PIGK: variants seen among roughly 807,000 people sequenced by gnomAD.
PIGK encodes the protein phosphatidylinositol glycan anchor biosynthesis class K.
PIGK carries 42 observed loss-of-function variants against 50.6 expected under a neutral mutation model. The observed-to-expected ratio is 0.83, with a 90% CI of 0.65 to 1.07. PIGK has a LOEUF of 1.07. PIGK is among the 50% of genes least tolerant of loss of function. The pLI is 0.00. For synonymous variants in PIGK, 151 were observed against 156.0 expected (o/e 0.97, Z 0.24); for missense variants, 448 against 488.7 (o/e 0.92, Z 0.78).
chr1:77,116,474 C>T (rs1480410730), intron 10 of PIGK, among the ~76,000 whole-genome samples: 9 of 151,938 alleles, frequency 5.9e-5, no homozygotes, highest in African/African-American at 1.2e-4. Context: ...CGTGAGCCAC[C>T]GTGCCTGGCC....
At chr1:77,189,738 TATATATATATACAC>T (rs1208248417) in intron 3 of PIGK, among the ~76,000 whole-genome samples, 42 of 32,022 alleles carry the variant, frequency 1.3e-3, no homozygotes, top group African/African-American at 4.9e-3. Context: ...TATATATATA[TATATATATATACAC>T]ACACACACAC....
chr1:77,209,434 A>G (rs1455845688), intron 2 of PIGK, among the ~76,000 whole-genome samples: 2 of 152,136 alleles, frequency 1.3e-5, no homozygotes, highest in Non-Finnish European at 2.9e-5. Flanking sequence ...AATCAAAACA[A>G]TGCAAATTAA....
At chr1:77,122,663 A>T (rs1388478018) in intron 9 of PIGK, among the ~76,000 whole-genome samples, 1 of 152,150 alleles carries the variant, frequency 6.6e-6, no homozygotes, top group Non-Finnish European at 1.5e-5. Context: ...TGTTTCTTTC[A>T]TAGCACTTAA....
intron 9 of PIGK, among the ~76,000 whole-genome samples, chr1:77,140,691 AAAAAC>A (rs748381131): frequency 6.4e-4 from 98 of 152,316 alleles, no homozygotes; most frequent in South Asian, 1.7e-3. Flanking sequence ...GAAATAGCAG[AAAAAC>A]AAAACAAAAA....
At chr1:77,148,213 C>G (rs1037641894) in intron 9 of PIGK, among the ~76,000 whole-genome samples, 1 of 152,102 alleles carries the variant, frequency 6.6e-6, no homozygotes, top group African/African-American at 2.4e-5. Context: ...GATTGCCATT[C>G]ATATTTGCAT....
chr1:77,200,572 G>A (rs142886727), intron 3 of PIGK, among the ~76,000 whole-genome samples: 1 of 152,134 alleles, frequency 6.6e-6, no homozygotes, highest in African/African-American at 2.4e-5. Flanking sequence ...GGTATTTAAT[G>A]AGTGTGCATA....
chr1:77,189,728 TATATATATATATATATATATACAC>T (rs1392834342), intron 3 of PIGK, among the ~76,000 whole-genome samples: 42 of 45,230 alleles, frequency 9.3e-4, no homozygotes, highest in African/African-American at 3.6e-3. Context: ...TATATATATA[TATATATATATATATATATATACAC>T]ACACACACAC....
chr1:77,217,493 G>A (rs905023449), intron 1 of PIGK, among the ~76,000 whole-genome samples: 3 of 152,114 alleles, frequency 2.0e-5, no homozygotes, highest in African/African-American at 7.2e-5. Context: ...AAAATATGCA[G>A]GGTTTTTGTT....
At chr1:77,167,526 CT>C (rs898000033) in intron 4 of PIGK, among the ~76,000 whole-genome samples, 1 of 151,452 alleles carries the variant, frequency 6.6e-6, no homozygotes, top group Non-Finnish European at 1.5e-5. Context: ...GGAGGATCAC[CT>C]GAGGCCAAGT....
At chr1:77,097,689 A>G (rs1653449673) in intron 10 of PIGK, among the ~76,000 whole-genome samples, 1 of 152,210 alleles carries the variant, frequency 6.6e-6, no homozygotes, top group Admixed American at 6.5e-5. Context: ...ACATGTAGGA[A>G]GGGAAAGTAA....
chr1:77,144,658 C>T (rs1026362932), intron 9 of PIGK, among the ~76,000 whole-genome samples: 1 of 151,712 alleles, frequency 6.6e-6, no homozygotes, highest in Admixed American at 6.6e-5. Flanking sequence ...TCAATAGACG[C>T]TTTTGTTAAT....
At chr1:77,153,308 G>A (rs1040492608) in intron 9 of PIGK, among the ~76,000 whole-genome samples, 1 of 152,078 alleles carries the variant, frequency 6.6e-6, no homozygotes, top group Non-Finnish European at 1.5e-5. Context: ...CAAAACGAGT[G>A]GATGTCAAGG....
intron 10 of PIGK, among the ~76,000 whole-genome samples, chr1:77,111,833 C>T (rs994336732): frequency 3.3e-5 from 5 of 151,866 alleles, no homozygotes; most frequent in Non-Finnish European, 7.4e-5. Context: ...TATCTATTGG[C>T]ATATTTTAAA....
chr1:77,200,762 T>G (rs1656145845), intron 3 of PIGK, among the ~76,000 whole-genome samples: 1 of 152,188 alleles, frequency 6.6e-6, no homozygotes, highest in East Asian at 1.9e-4. Context: ...CAAATTGTGA[T>G]CCTATTTTTA....
At chr1:77,169,180 GAC>G (rs1655299957) in intron 4 of PIGK, 78 bp downstream of exon 4, 3 of 897,062 alleles carry the variant, frequency 3.3e-6, no homozygotes, top group Non-Finnish European at 4.8e-6. Flanking sequence ...AAAATAATAA[GAC>G]AATTTTATTC....
chr1:77,101,962 C>T, intron 10 of PIGK, among the ~76,000 whole-genome samples: 1 of 152,138 alleles, frequency 6.6e-6, no homozygotes, highest in East Asian at 1.9e-4. Flanking sequence ...TGAGATGGTG[C>T]CACTGCACTC....
chr1:77,113,333 A>G (rs544139215), intron 10 of PIGK, among the ~76,000 whole-genome samples: 1 of 152,222 alleles, frequency 6.6e-6, no homozygotes, highest in South Asian at 2.1e-4. Context: ...AAAGGGTCAA[A>G]TGTCTAATAT....
chr1:77,163,133 A>C (rs1655165101), intron 6 of PIGK, among the ~76,000 whole-genome samples: 1 of 152,166 alleles, frequency 6.6e-6, no homozygotes. Context: ...TGCCTAGTAA[A>C]AGCTTCCTCA....
intron 10 of PIGK, among the ~76,000 whole-genome samples, chr1:77,122,056 T>C (rs1654109875): frequency 6.6e-6 from 1 of 152,196 alleles, no homozygotes; most frequent in Admixed American, 6.5e-5. Context: ...ATCCCATATT[T>C]TATGTAAGTA....
Sources: allele counts gnomAD v4.1 joint callset (sites outside exome capture counted in the v4.1 genomes callset), GRCh38; gene constraint gnomAD v4.1.1; transcripts MANE v1.5; gene names NCBI Gene and HGNC (gene_info 2026-07-23, HGNC 2026-07-21).